Variants in SOX5 observed in about 807,000 individuals in gnomAD.
SOX5 encodes the protein transcription factor SOX-5.
SOX5 carries 9 observed loss-of-function variants against 92.0 expected under a neutral mutation model. That is an observed-to-expected ratio of 0.10 (90% CI 0.06 to 0.17). The LOEUF is 0.17. Among genes scored for constraint, SOX5 ranks in the 10% least tolerant of loss-of-function variants. The pLI is 1.00. For missense variants in SOX5, 642 were observed against 944.5 expected, an observed-to-expected ratio of 0.68 and a Z score of 4.20; for synonymous variants, 344 against 336.3, an observed-to-expected ratio of 1.02 and a Z score of -0.25.
At chr12:24,291,997 T>A (rs1946671856) in intron 2 of SOX5, among the ~76,000 whole-genome samples, 1 of 152,190 alleles carries the variant, frequency 6.6e-6, no homozygotes, top group Admixed American at 6.5e-5. Flanking sequence ...ACTACTGTAA[T>A]TCACCCAACA....
At chr12:23,687,582 T>A (rs2087835431) in intron 6 of SOX5, among the ~76,000 whole-genome samples, 1 of 152,034 alleles carries the variant, frequency 6.6e-6, no homozygotes, top group African/African-American at 2.4e-5. Flanking sequence ...TGAACCTATA[T>A]TTTCAGAATC....
At chr12:24,489,436 G>A (rs1004238164) in intron 1 of SOX5, among the ~76,000 whole-genome samples, 5 of 152,130 alleles carry the variant, frequency 3.3e-5, no homozygotes, top group Non-Finnish European at 5.9e-5. Flanking sequence ...GTGGACTTGC[G>A]GGAGGCTGTT....
intron 7 of SOX5, among the ~76,000 whole-genome samples, chr12:23,648,278 AT>A (rs2081127218): frequency 6.6e-6 from 1 of 152,196 alleles, no homozygotes; most frequent in South Asian, 2.1e-4. Context: ...TAAACCTTCA[AT>A]TTGTAAAAAA....
intron 6 of SOX5, among the ~76,000 whole-genome samples, chr12:23,717,165 C>G (rs887668564): frequency 6.6e-6 from 1 of 152,104 alleles, no homozygotes; most frequent in Non-Finnish European, 1.5e-5. Context: ...AGCACTGTTT[C>G]AAAAAATATT....
intron 6 of SOX5, among the ~76,000 whole-genome samples, chr12:23,693,015 T>G (rs887626939): frequency 6.6e-6 from 1 of 152,208 alleles, no homozygotes; most frequent in African/African-American, 2.4e-5. Context: ...TTGACTATTA[T>G]GTCTTTTTGT....
chr12:23,958,703 A>C (rs548957846), intron 4 of SOX5, among the ~76,000 whole-genome samples: 1 of 135,486 alleles, frequency 7.4e-6, no homozygotes. Context: ...TTATTTTATA[A>C]ACAAAATTAT....
At chr12:24,297,580 C>A (rs61909927) in intron 2 of SOX5, among the ~76,000 whole-genome samples, 344 of 152,366 alleles carry the variant, frequency 2.3e-3, no homozygotes, top group Non-Finnish European at 4.2e-3. Context: ...TCCTCCATAG[C>A]TGGCAAATGA....
intron 3 of SOX5, among the ~76,000 whole-genome samples, chr12:23,778,801 A>G (rs1183747946): frequency 6.6e-6 from 1 of 152,154 alleles, no homozygotes; most frequent in African/African-American, 2.4e-5. Flanking sequence ...TCTTCTTCAT[A>G]AGAGAGTGGT....
chr12:24,115,358 A>G lies in SOX5; in HGVS notation c.-2+97985T>C, dbSNP rs189661828. Among the ~76,000 whole-genome samples, 20 of 152,366 alleles carry G rather than the reference A, an allele frequency of 1.3e-4. 1 individual carries two copies. The highest frequency in any genetic ancestry group is 7.2e-4 in the Admixed American group (11 of 15,310). On this transcript the variant is annotated intron_variant, in intron 4 of 4. Transcript: ENST00000446891. ...GGAACTCTATATTCCACTAAATTAT[A>G]GAAATCAGTGTTCGAGCAGAATGAA...
intron 1 of SOX5, among the ~76,000 whole-genome samples, chr12:24,548,897 G>A (rs6487393): frequency 1.3e-5 from 2 of 152,094 alleles, no homozygotes; most frequent in Admixed American, 1.3e-4. Context: ...CTTCATCACC[G>A]TTATTATGAA....
chr12:23,867,393 CTT>C (rs2096825974), intron 2 of SOX5, among the ~76,000 whole-genome samples: 1 of 152,124 alleles, frequency 6.6e-6, no homozygotes, highest in African/African-American at 2.4e-5. Flanking sequence ...AAAAATCACA[CTT>C]TTGATCTTAG....
At chr12:24,302,565 T>C (rs1246824413) in intron 2 of SOX5, among the ~76,000 whole-genome samples, 1 of 152,102 alleles carries the variant, frequency 6.6e-6, no homozygotes, top group Non-Finnish European at 1.5e-5. Flanking sequence ...TGATTTTTTT[T>C]TTTCCCTAAG....
chr12:24,154,742 T>C (rs1184984691), intron 4 of SOX5, among the ~76,000 whole-genome samples: 1 of 152,084 alleles, frequency 6.6e-6, no homozygotes, highest in Admixed American at 6.6e-5. Context: ...ACATTTAAAG[T>C]GGTGAAGTAA....
intron 10 of SOX5, among the ~76,000 whole-genome samples, chr12:23,567,538 G>C (rs540802924): frequency 7.3e-6 from 1 of 137,556 alleles, no homozygotes; most frequent in African/African-American, 2.8e-5. Flanking sequence ...ATAGCTCACT[G>C]CAACCTTGAA....
chr12:24,061,742 C>G (rs1275644735), intron 4 of SOX5, among the ~76,000 whole-genome samples: 2 of 98,526 alleles, frequency 2.0e-5, no homozygotes, highest in African/African-American at 4.3e-5. Context: ...TTCAATATGA[C>G]AGAAAAAAAA....
intron 3 of SOX5, among the ~76,000 whole-genome samples, chr12:23,771,433 T>C (rs999703622): frequency 2.0e-5 from 3 of 152,114 alleles, no homozygotes; most frequent in African/African-American, 7.2e-5. Flanking sequence ...CCCGGCCGAG[T>C]ACAGTCACTA....
intron 4 of SOX5, among the ~76,000 whole-genome samples, chr12:23,754,660 G>A (rs1237310938): frequency 2.0e-5 from 3 of 151,720 alleles, no homozygotes; most frequent in Non-Finnish European, 4.4e-5. Flanking sequence ...ATGTCATGTA[G>A]GCCAAACATT....
At chr12:23,632,546 C>G (rs951598787) in intron 8 of SOX5, among the ~76,000 whole-genome samples, 3 of 152,104 alleles carry the variant, frequency 2.0e-5, no homozygotes, top group African/African-American at 7.2e-5. Context: ...TAAAGCCATG[C>G]TCAGTCACTC....
At chr12:24,167,625 C>T (rs984736458) in intron 4 of SOX5, among the ~76,000 whole-genome samples, 1 of 152,198 alleles carries the variant, frequency 6.6e-6, no homozygotes, top group Non-Finnish European at 1.5e-5. Flanking sequence ...ATTTCTGTCT[C>T]TCAATGCCAA....
Sources: allele counts gnomAD v4.1 joint callset (sites outside exome capture counted in the v4.1 genomes callset), GRCh38; gene constraint gnomAD v4.1.1; transcripts MANE v1.5; gene names NCBI Gene and HGNC (gene_info 2026-07-23, HGNC 2026-07-21).